Variants in SOX6 observed in about 807,000 individuals in gnomAD.
SOX6 encodes the protein transcription factor SOX-6.
Under a neutral mutation model 97.8 loss-of-function variants are expected in SOX6, and 11 were observed. The observed-to-expected ratio is 0.11, with a 90% CI of 0.07 to 0.19. The LOEUF (loss-of-function observed/expected upper bound fraction) is 0.19, where lower values mean the gene tolerates loss of function less well. Ranked by LOEUF, SOX6 falls within the 10% of genes least tolerant of loss-of-function variation. The pLI is 1.00. For synonymous variants in SOX6, 360 were observed against 371.4 expected (o/e 0.97, Z 0.35); for missense variants, 810 against 1,039.5 (o/e 0.78, Z 3.04).
At chr11:16,625,469 C>A (rs2133991852) in intron 3 of SOX6, among the ~76,000 whole-genome samples, 1 of 152,252 alleles carries the variant, frequency 6.6e-6, no homozygotes, top group South Asian at 2.1e-4. Context: ...TCTAATACTT[C>A]ATCTTTAACC....
intron 4 of SOX6, among the ~76,000 whole-genome samples, chr11:16,507,444 G>A (rs959186981): frequency 6.6e-6 from 1 of 151,846 alleles, no homozygotes; most frequent in African/African-American, 2.4e-5. Flanking sequence ...CTAAAAAAAG[G>A]GCCCAAATAG....
intron 4 of SOX6, among the ~76,000 whole-genome samples, chr11:16,503,782 C>T (rs747095501): frequency 3.9e-5 from 6 of 152,102 alleles, no homozygotes; most frequent in Non-Finnish European, 7.4e-5. Flanking sequence ...CGGTGGCTCA[C>T]CCCTGTAATC....
At chr11:16,155,940 CTTT>C (rs1000988278) in intron 6 of SOX6, among the ~76,000 whole-genome samples, 1 of 152,128 alleles carries the variant, frequency 6.6e-6, no homozygotes, top group African/African-American at 2.4e-5. Flanking sequence ...CCCATCCAGT[CTTT>C]AAGACCAAAG....
At chr11:16,264,131 T>C (rs1853993913) in intron 3 of SOX6, among the ~76,000 whole-genome samples, 1 of 151,880 alleles carries the variant, frequency 6.6e-6, no homozygotes, top group Non-Finnish European at 1.5e-5. Context: ...CACAAATATA[T>C]GAAAAGTAGT....
At chr11:16,197,338 G>A (rs1372591295) in intron 4 of SOX6, among the ~76,000 whole-genome samples, 1 of 152,040 alleles carries the variant, frequency 6.6e-6, no homozygotes, top group Non-Finnish European at 1.5e-5. Flanking sequence ...ATGAAAACAG[G>A]CGCTTAAAAA....
chr11:16,286,009 G>A (rs1854729547), intron 3 of SOX6, among the ~76,000 whole-genome samples: 1 of 152,072 alleles, frequency 6.6e-6, no homozygotes, highest in South Asian at 2.1e-4. Context: ...AAAATGATAA[G>A]ATACAGTGTT....
intron 1 of SOX6, among the ~76,000 whole-genome samples, chr11:16,389,247 T>C (rs1164982092): frequency 6.6e-6 from 1 of 152,124 alleles, no homozygotes; most frequent in Non-Finnish European, 1.5e-5. Flanking sequence ...CACCCTCAGC[T>C]AGTTTTATTA....
intron 1 of SOX6, among the ~76,000 whole-genome samples, chr11:16,424,723 G>T (rs554937635): frequency 2.6e-5 from 4 of 152,192 alleles, no homozygotes; most frequent in African/African-American, 9.6e-5. Context: ...ATTTCAAAGA[G>T]AAATATCTAT....
At chr11:16,324,759 AAAG>A (rs1338034999) in intron 2 of SOX6, among the ~76,000 whole-genome samples, 2 of 152,190 alleles carry the variant, frequency 1.3e-5, no homozygotes, top group African/African-American at 4.8e-5. Flanking sequence ...TACAGTAAAA[AAAG>A]AATAAAATTC....
chr11:16,414,858 C>T (rs7116645), intron 1 of SOX6, among the ~76,000 whole-genome samples: 151,533 of 152,254 alleles, frequency 1, 75,413 homozygotes, highest in Middle Eastern at 1. Flanking sequence ...AAAATATCTA[C>T]AGAATTTTGG....
chr11:16,729,372 G>A (rs1848331806), intron 2 of SOX6, among the ~76,000 whole-genome samples: 1 of 152,204 alleles, frequency 6.6e-6, no homozygotes, highest in Non-Finnish European at 1.5e-5. Flanking sequence ...AAGACTAACA[G>A]CAGATCTCTC....
chr11:16,636,905 C>T (rs1053247152), intron 3 of SOX6, among the ~76,000 whole-genome samples: 1 of 152,172 alleles, frequency 6.6e-6, no homozygotes, highest in Non-Finnish European at 1.5e-5. Context: ...TACCCAGCTC[C>T]ACAGAACTTT....
chr11:16,034,207 T>C (rs2133889418), intron 12 of SOX6, among the ~76,000 whole-genome samples: 1 of 152,258 alleles, frequency 6.6e-6, no homozygotes, highest in South Asian at 2.1e-4. Context: ...ATTCAAATGA[T>C]CTCCTTTGTT....
chr11:16,673,389 CAAAT>C (rs1379635841), intron 3 of SOX6, among the ~76,000 whole-genome samples: 2 of 151,754 alleles, frequency 1.3e-5, no homozygotes, highest in African/African-American at 4.8e-5. Context: ...AGAAAAAACT[CAAAT>C]AAATGAAATC....
chr11:16,034,871 A>C (rs1487256795), intron 12 of SOX6, among the ~76,000 whole-genome samples: 2 of 152,192 alleles, frequency 1.3e-5, no homozygotes, highest in Non-Finnish European at 2.9e-5. Context: ...ACACAGACAC[A>C]AAGAGATACT....
At chr11:16,358,125 C>G (rs1857118465), upstream of SOX6, among the ~76,000 whole-genome samples, 1 of 152,134 alleles carries the variant, frequency 6.6e-6, no homozygotes, top group African/African-American at 2.4e-5. Context: ...ACATAAAAAG[C>G]TGATTTACTC....
chr11:16,215,246 A>G (rs1056911339), intron 4 of SOX6, among the ~76,000 whole-genome samples: 18 of 152,362 alleles, frequency 1.2e-4, no homozygotes, highest in African/African-American at 4.1e-4. Context: ...TGGTACGAAT[A>G]GAAAGATGTC....
chr11:16,523,280 A>G (rs1471922801), intron 4 of SOX6, among the ~76,000 whole-genome samples: 1 of 152,096 alleles, frequency 6.6e-6, no homozygotes, highest in Non-Finnish European at 1.5e-5. Context: ...ATAACAAACT[A>G]TCTCTCAGAT....
chr11:16,118,140 G>T (rs1275584336), intron 6 of SOX6, among the ~76,000 whole-genome samples: 1 of 152,144 alleles, frequency 6.6e-6, no homozygotes, highest in Non-Finnish European at 1.5e-5. Flanking sequence ...TTGAAAGTAA[G>T]CACTATCTGG....
Sources: gnomAD v4.1 joint callset for allele counts (sites outside exome capture counted in the v4.1 genomes callset) on GRCh38, gnomAD v4.1.1 for gene constraint, MANE v1.5 for transcripts, NCBI Gene and HGNC (gene_info 2026-07-23, HGNC 2026-07-21) for gene names.